ADCY2: variants seen among roughly 807,000 people sequenced by gnomAD.
ADCY2 encodes the protein adenylate cyclase 2.
A neutral mutation model predicts 125.2 loss-of-function variants in ADCY2; 31 were observed. The observed-to-expected ratio is 0.25, with a 90% CI of 0.19 to 0.33. The LOEUF (loss-of-function observed/expected upper bound fraction) is 0.33. Ranked by LOEUF, ADCY2 falls within the 10% of genes least tolerant of loss-of-function variation. The pLI, the probability that ADCY2 is intolerant of heterozygous loss-of-function variation, is 1.00. For synonymous variants in ADCY2, 512 were observed against 548.4 expected (o/e 0.93, Z 0.93); for missense variants, 904 against 1,418.2 (o/e 0.64, Z 5.82).
intron 2 of ADCY2, among the ~76,000 whole-genome samples, chr5:7,487,764 A>T (rs1422894779): frequency 2.0e-5 from 3 of 152,212 alleles, no homozygotes; most frequent in African/African-American, 4.8e-5. Flanking sequence ...TCCACTTTTG[A>T]TGAGAATAAC....
chr5:7,679,119 G>A (rs1740232223), intron 4 of ADCY2, among the ~76,000 whole-genome samples: 1 of 152,232 alleles, frequency 6.6e-6, no homozygotes, highest in Non-Finnish European at 1.5e-5. Flanking sequence ...AATGTTGACA[G>A]CTAACACAGC....
intron 1 of ADCY2, among the ~76,000 whole-genome samples, chr5:7,409,377 C>A (rs1579413569): frequency 6.6e-6 from 1 of 152,264 alleles, no homozygotes; most frequent in East Asian, 1.9e-4. Flanking sequence ...TACCCCTGAA[C>A]TTAAATGTTA....
intron 1 of ADCY2, among the ~76,000 whole-genome samples, chr5:7,400,922 G>C (rs1739240408): frequency 6.6e-6 from 1 of 152,220 alleles, no homozygotes; most frequent in Admixed American, 6.5e-5. Flanking sequence ...GGATTTGGAA[G>C]CATCCTTTGG....
At chr5:7,485,547 T>C (rs1742895347) in intron 2 of ADCY2, among the ~76,000 whole-genome samples, 1 of 152,168 alleles carries the variant, frequency 6.6e-6, no homozygotes, top group Admixed American at 6.5e-5. Context: ...GGAGTGAAGG[T>C]TGCTACAAAT....
intron 3 of ADCY2, among the ~76,000 whole-genome samples, chr5:7,543,936 C>T (rs1735073827): frequency 6.8e-6 from 1 of 147,634 alleles, no homozygotes; most frequent in South Asian, 2.1e-4. Flanking sequence ...ATGGCATGAA[C>T]CCGGGAGTCG....
At chr5:7,730,564 G>T (rs1200887972) in intron 14 of ADCY2, among the ~76,000 whole-genome samples, 4 of 152,080 alleles carry the variant, frequency 2.6e-5, no homozygotes, top group Admixed American at 1.3e-4. Context: ...TTTGGAGGGG[G>T]AGTCTATGAG....
intron 12 of ADCY2, 79 bp downstream of exon 12, chr5:7,717,316 T>G: frequency 2.0e-6 from 2 of 975,612 alleles, no homozygotes; most frequent in Admixed American, 4.8e-5. Flanking sequence ...TCTGCAATAG[T>G]TACCATGACA....
Position 7,814,345 on chromosome 5 carries a change from G to GC in ADCY2, c.2884-2515dup, listed in dbSNP as rs543950919. Among the ~76,000 whole-genome samples, 256 of 150,578 alleles carry GC rather than the reference G, an allele frequency of 1.7e-3. 1 individual carries two copies. The highest frequency in any genetic ancestry group is 5.8e-3 in the African/African-American group (237 of 40,826). ...TGGGAGCAATTTTACTCCTCCCCCC[G>GC]CCCCCCGGAGCATTGTTATTGTCAA... is the stretch of plus-strand genomic sequence containing the variant. On this transcript the variant is annotated intron_variant, in intron 22 of 24. Coordinates refer to ENST00000338316, the MANE Select transcript of ADCY2 (RefSeq NM_020546.3).
intron 4 of ADCY2, among the ~76,000 whole-genome samples, chr5:7,686,478 G>A (rs1740525071): frequency 6.6e-6 from 1 of 152,216 alleles, no homozygotes; most frequent in Admixed American, 6.5e-5. Context: ...TCAAGGGCAA[G>A]TTATTAATCA....
chr5:7,426,496 C>T (rs1740394037), intron 2 of ADCY2, among the ~76,000 whole-genome samples: 1 of 152,156 alleles, frequency 6.6e-6, no homozygotes, highest in Non-Finnish European at 1.5e-5. Flanking sequence ...TATCTAAGCA[C>T]TCCAAGGGTA....
chr5:7,506,789 CTTTTTTTTTT>C (rs70940743), intron 2 of ADCY2, among the ~76,000 whole-genome samples: 8 of 55,018 alleles, frequency 1.5e-4, no homozygotes, highest in African/African-American at 5.3e-4. Flanking sequence ...ATGCGTTGCT[CTTTTTTTTTT>C]TTTTTTTTTT....
chr5:7,522,766 A>C (rs1023805355), intron 3 of ADCY2: 10 of 64,206 alleles, frequency 1.6e-4, no homozygotes, highest in Non-Finnish European at 3.1e-4. Flanking sequence ...AAAAAAAAAA[A>C]AAAAAAAAAA....
In ADCY2 at chr5:7,520,599, G is replaced by A; in HGVS notation, c.409-139G>A. ...TCCAGTGGACTTATTTGCATCGACT[G>A]CCCTATTTTGTCTATAGATTATTTC... On this transcript the variant is annotated intron_variant, in intron 2 of 24. Transcript: ENST00000338316. The A allele has an allele frequency of 1.3e-5, 11 of 868,978 alleles. No individual in the cohort carries two copies. The South Asian group carries it at 1.6e-4, about 13-fold the overall frequency. 53.8% of individuals were successfully genotyped at this position (868,978 alleles called of 1,614,324 possible).
intron 3 of ADCY2, among the ~76,000 whole-genome samples, chr5:7,620,530 A>G (rs1371027544): frequency 6.6e-6 from 1 of 152,218 alleles, no homozygotes; most frequent in African/African-American, 2.4e-5. Context: ...ACTGATAAAG[A>G]GCAGAAACCC....
At position 7,602,035 on chromosome 5, in the gene ADCY2, C is replaced by G. The variant is rs1737229147; in HGVS notation, c.571-24132C>G. 2.0e-5 allele frequency among the ~76,000 whole-genome samples: 3 copies of G among 152,304 alleles called. No homozygotes were observed. In the South Asian group the frequency reaches 6.2e-4, roughly 32 times the overall value. ...TCTGTGACTTGTGGCTGCATCACTG[C>G]AACCTCTGTCTGTATCTTCACATGG... On this transcript the variant is annotated intron_variant, in intron 3 of 24. Coordinates refer to ENST00000338316, the MANE Select transcript of ADCY2 (RefSeq NM_020546.3).
chr5:7,406,435 A>G (rs960915328), intron 1 of ADCY2, among the ~76,000 whole-genome samples: 1 of 152,138 alleles, frequency 6.6e-6, no homozygotes, highest in African/African-American at 2.4e-5. Flanking sequence ...TGCTCTCCCA[A>G]AAGAAGGATG....
chr5:7,536,822 C>T (rs1235310610), intron 3 of ADCY2, among the ~76,000 whole-genome samples: 3 of 134,968 alleles, frequency 2.2e-5, no homozygotes, highest in Non-Finnish European at 3.1e-5. Context: ...CGGGGCTTGT[C>T]AGGGGGTGGG....
intron 2 of ADCY2, among the ~76,000 whole-genome samples, chr5:7,517,362 A>G (rs565127056): frequency 6.6e-6 from 1 of 152,216 alleles, no homozygotes; most frequent in East Asian, 1.9e-4. Context: ...GCATTCGACT[A>G]TCTGGAGCTT....
At chr5:7,815,129 C>G (rs901062678) in intron 22 of ADCY2, among the ~76,000 whole-genome samples, 3 of 152,188 alleles carry the variant, frequency 2.0e-5, no homozygotes, top group African/African-American at 4.8e-5. Context: ...CTAACCAGTC[C>G]GTGTCTGCAT....
Sources: gnomAD v4.1 joint callset for allele counts (sites outside exome capture counted in the v4.1 genomes callset) on GRCh38, gnomAD v4.1.1 for gene constraint, MANE v1.5 for transcripts, NCBI Gene and HGNC (gene_info 2026-07-23, HGNC 2026-07-21) for gene names.